Variants in MTHFD2L observed in about 807,000 individuals in gnomAD.
MTHFD2L encodes the protein methylenetetrahydrofolate dehydrogenase (NADP+ dependent) 2 like.
In MTHFD2L, 29 loss-of-function variants were observed where a neutral mutation model predicts 34.9. The ratio of observed to expected loss-of-function variants is 0.83; its 90% CI spans 0.62 to 1.13. The LOEUF is 1.13. Ranked by LOEUF, MTHFD2L falls within the 50% of genes most tolerant of loss-of-function variation. The pLI, the probability that MTHFD2L is intolerant of heterozygous loss-of-function variation, is 0.00. For synonymous variants in MTHFD2L, 167 were observed against 155.7 expected (o/e 1.07, Z -0.54); for missense variants, 481 against 446.5 (o/e 1.08, Z -0.70).
At chr4:74,188,998 C>T (rs983034186) in intron 3 of MTHFD2L, among the ~76,000 whole-genome samples, 2 of 151,840 alleles carry the variant, frequency 1.3e-5, no homozygotes, top group Admixed American at 1.3e-4. Context: ...GCACAGGACT[C>T]AGGATGAAAT....
At chr4:74,233,913 C>A (rs993652256) in intron 6 of MTHFD2L, among the ~76,000 whole-genome samples, 1 of 151,348 alleles carries the variant, frequency 6.6e-6, no homozygotes, top group African/African-American at 2.4e-5. Flanking sequence ...GATTTTTTTT[C>A]TTTTGAGGCT....
In MTHFD2L at chr4:74,199,794, A is replaced by T; in HGVS notation, c.452A>T (p.Asp151Val). ...TAGACAAATTTTATTTATTTTTCAG[A>T]CCACGTTGATGAGCGAACAATATGC... ...SGILVQLPLPDHVDERTICNG... is the reference protein window; with the variant it reads ...SGILVQLPLPVHVDERTICNG... Residue 151 changes from aspartate to valine, a missense_variant and splice_region_variant, in exon 4 of 8, where the codon GAC (aspartate) becomes GTC (valine). Coordinates refer to ENST00000325278, the MANE Select transcript of MTHFD2L (RefSeq NM_001144978.3). 1.9e-6 allele frequency: 3 copies of T among 1,593,652 alleles called. No homozygotes were observed. In the Middle Eastern group the frequency reaches 5.0e-4, roughly 267 times the overall value.
At chr4:74,268,841 AC>A (rs1326946694) in intron 6 of MTHFD2L, among the ~76,000 whole-genome samples, 1 of 152,200 alleles carries the variant, frequency 6.6e-6, no homozygotes, top group African/African-American at 2.4e-5. Context: ...TCACACCTTC[AC>A]ATTAGGGAAA....
chr4:74,215,189 C>T (rs966599587), intron 5 of MTHFD2L, among the ~76,000 whole-genome samples: 1 of 151,630 alleles, frequency 6.6e-6, no homozygotes, highest in Non-Finnish European at 1.5e-5. Context: ...CTGGCTTCAG[C>T]CCCCCAGAGT....
At chr4:74,144,222 G>A (rs1203407343) in intron 1 of MTHFD2L, among the ~76,000 whole-genome samples, 1 of 152,134 alleles carries the variant, frequency 6.6e-6, no homozygotes, top group Admixed American at 6.5e-5. Flanking sequence ...GGAGGCTGAG[G>A]CAGGTGGATA....
chr4:74,253,320 T>G (rs2110204103), intron 6 of MTHFD2L, among the ~76,000 whole-genome samples: 1 of 152,324 alleles, frequency 6.6e-6, no homozygotes, highest in East Asian at 1.9e-4. Flanking sequence ...TCTGCAAGAT[T>G]GCAAGATAGG....
intron 1 of MTHFD2L, among the ~76,000 whole-genome samples, chr4:74,172,384 A>G (rs1465777426): frequency 1.3e-5 from 2 of 152,224 alleles, no homozygotes; most frequent in African/African-American, 4.8e-5. Flanking sequence ...AGACAGCAGA[A>G]CAAGATTATT....
In MTHFD2L at chr4:74,278,750, C is replaced by T. The variant is rs76227465; in HGVS notation, c.806-2675C>T. ...CAAGAGAGATAAGAAGCACACAAGACCTTTGTAAGGATCAGTCCCACCGCT... is the reference window on the plus strand; with the variant it reads ...CAAGAGAGATAAGAAGCACACAAGATCTTTGTAAGGATCAGTCCCACCGCT... On this transcript the variant is annotated intron_variant, in intron 6 of 7. Coordinates refer to ENST00000325278, the MANE Select transcript of MTHFD2L (RefSeq NM_001144978.3). Among the ~76,000 whole-genome samples the T allele has an allele frequency of 3.4e-3, 519 of 152,102 alleles. 4 individuals are homozygous for T. The highest frequency in any genetic ancestry group is 0.012 in the African/African-American group (496 of 41,482).
At chr4:74,188,643 T>C (rs761784328) in intron 3 of MTHFD2L, among the ~76,000 whole-genome samples, 16 of 151,692 alleles carry the variant, frequency 1.1e-4, no homozygotes, top group Non-Finnish European at 1.9e-4. Context: ...ATGGTAAATA[T>C]GTTCATTATC....
chr4:74,128,849 T>C (rs1722264848), intron 1 of MTHFD2L, among the ~76,000 whole-genome samples: 1 of 152,070 alleles, frequency 6.6e-6, no homozygotes, highest in Admixed American at 6.6e-5. Flanking sequence ...TCTTTATCCA[T>C]TCAGCACCTC....
intron 6 of MTHFD2L, among the ~76,000 whole-genome samples, chr4:74,280,641 T>TA (rs1747328135): frequency 2.0e-5 from 3 of 149,160 alleles, no homozygotes; most frequent in East Asian, 3.9e-4. Context: ...TTTTTTTTTT[T>TA]TAAAAAACTG....
chr4:74,257,317 CA>C (rs1441872575), intron 6 of MTHFD2L, among the ~76,000 whole-genome samples: 1 of 151,830 alleles, frequency 6.6e-6, no homozygotes, highest in African/African-American at 2.4e-5. Flanking sequence ...TGACTTAATC[CA>C]ATCAAAAGAC....
At position 74,151,447 on chromosome 4, in the gene MTHFD2L, T is replaced by C. The variant is rs750786547; in HGVS notation, c.-296-8608T>C. Among the ~76,000 whole-genome samples the C allele has an allele frequency of 1.8e-4, 27 of 152,166 alleles. 1 individual carries two copies. The highest frequency in any genetic ancestry group is 2.9e-4 in the Non-Finnish European group (20 of 68,022). On this transcript the variant is annotated intron_variant, in intron 1 of 7. Transcript: ENST00000433372. Reference sequence around the variant, plus strand: ...CAAACTTTTCCAGGAGAACCTTAGATTTAGAAAAGCACTGCAGTTAGAAGT... The same window carrying C: ...CAAACTTTTCCAGGAGAACCTTAGACTTAGAAAAGCACTGCAGTTAGAAGT...
intron 6 of MTHFD2L, among the ~76,000 whole-genome samples, chr4:74,250,758 A>T (rs942915808): frequency 6.6e-6 from 1 of 151,938 alleles, no homozygotes; most frequent in Non-Finnish European, 1.5e-5. Flanking sequence ...TCTTGCTTCA[A>T]CCCCTTCATA....
chr4:74,118,384 C>A (rs1278554627), upstream of MTHFD2L, among the ~76,000 whole-genome samples: 1 of 152,146 alleles, frequency 6.6e-6, no homozygotes, highest in Admixed American at 6.6e-5. Context: ...TTCAACAGTG[C>A]ACAGTATACC....
intron 1 of MTHFD2L, among the ~76,000 whole-genome samples, chr4:74,141,090 G>A (rs1484773058): frequency 6.6e-6 from 1 of 152,118 alleles, no homozygotes; most frequent in Non-Finnish European, 1.5e-5. Context: ...AGTGTAGCTT[G>A]TTTTTGCCCT....
At chr4:74,158,731 CTA>C (rs1724737681) in intron 1 of MTHFD2L, among the ~76,000 whole-genome samples, 1 of 152,170 alleles carries the variant, frequency 6.6e-6, no homozygotes, top group East Asian at 1.9e-4. Context: ...TTTTCCAACT[CTA>C]AAATTATTTA....
chr4:74,241,161 A>T (rs59865126), intron 6 of MTHFD2L, among the ~76,000 whole-genome samples: 1,774 of 152,240 alleles, frequency 0.012, 40 homozygotes, highest in African/African-American at 0.041. Context: ...AAACCCCTCT[A>T]CCTGCTCTCA....
At chr4:74,218,094 G>T (rs561449203) in intron 5 of MTHFD2L, among the ~76,000 whole-genome samples, 7 of 151,904 alleles carry the variant, frequency 4.6e-5, no homozygotes, top group African/African-American at 1.7e-4. Context: ...AGAGAATTGT[G>T]TATTCTCATT....
Sources: gnomAD v4.1 joint callset for allele counts (sites outside exome capture counted in the v4.1 genomes callset) on GRCh38, gnomAD v4.1.1 for gene constraint, MANE v1.5 for transcripts, NCBI Gene and HGNC (gene_info 2026-07-23, HGNC 2026-07-21) for gene names.